Variants in GALNTL6 observed in about 807,000 individuals in gnomAD.
GALNTL6 encodes polypeptide N-acetylgalactosaminyltransferase-like 6.
In GALNTL6, 46 loss-of-function variants were observed where a neutral mutation model predicts 73.7. That is an observed-to-expected ratio of 0.62 (90% CI 0.49 to 0.80). GALNTL6 has a LOEUF of 0.80. GALNTL6 is among the 30% of genes least tolerant of loss of function. GALNTL6 has a pLI of 0.00. For missense variants in GALNTL6, 604 were observed against 755.0 expected (o/e 0.80, Z 2.34); for synonymous variants, 259 against 263.7 (o/e 0.98, Z 0.17).
chr4:172,438,125 A>G (rs552391244), intron 5 of GALNTL6, among the ~76,000 whole-genome samples: 1 of 152,162 alleles, frequency 6.6e-6, no homozygotes, highest in Admixed American at 6.6e-5. Flanking sequence ...GCTGTGATTC[A>G]TTGACAGTGC....
chr4:171,841,369 T>C (rs1270142987), intron 2 of GALNTL6, among the ~76,000 whole-genome samples: 1 of 152,166 alleles, frequency 6.6e-6, no homozygotes, highest in African/African-American at 2.4e-5. Flanking sequence ...ATTTAATCTA[T>C]GTATTGGTGA....
intron 3 of GALNTL6, among the ~76,000 whole-genome samples, chr4:172,270,455 A>T (rs1409928574): frequency 6.6e-6 from 1 of 152,100 alleles, no homozygotes; most frequent in Non-Finnish European, 1.5e-5. Flanking sequence ...TATTCTGGGG[A>T]CCTAAGCCAG....
At chr4:172,208,179 G>A (rs836305) in intron 2 of GALNTL6, among the ~76,000 whole-genome samples, 150,213 of 152,316 alleles carry the variant, frequency 0.99, 74,111 homozygotes, top group East Asian at 1. Context: ...TTGAGCTGTC[G>A]TCTGATCTCA....
intron 5 of GALNTL6, among the ~76,000 whole-genome samples, chr4:172,410,586 C>T (rs2111342267): frequency 6.6e-6 from 1 of 152,090 alleles, no homozygotes; most frequent in African/African-American, 2.4e-5. Context: ...CATGTCATCC[C>T]TTATGGTCTG....
chr4:172,194,686 T>G (rs1305790667), intron 2 of GALNTL6, among the ~76,000 whole-genome samples: 1 of 152,162 alleles, frequency 6.6e-6, no homozygotes, highest in Non-Finnish European at 1.5e-5. Flanking sequence ...ATTTCATATC[T>G]GGCCAAACTA....
chr4:172,680,530 C>A (rs1453779460), intron 5 of GALNTL6, among the ~76,000 whole-genome samples: 1 of 152,160 alleles, frequency 6.6e-6, no homozygotes, highest in African/African-American at 2.4e-5. Flanking sequence ...TGTTTTTGAG[C>A]AGCTGTATGA....
rs567012805 is a variant in GALNTL6, at chr4:172,712,104, G to C, written c.554-97257G>C. ...TTTCTGTGTAGGCATGTAGGGTTGG[G>C]TGTGTTTGTGTTTGGGTGGATGTGT... On this transcript the variant is annotated intron_variant, in intron 5 of 12. Coordinates refer to ENST00000506823, the MANE Select transcript of GALNTL6 (RefSeq NM_001034845.3). Among the ~76,000 whole-genome samples, 4 of 152,224 alleles carry C rather than the reference G, an allele frequency of 2.6e-5. No homozygotes were observed. In the East Asian group the frequency reaches 5.8e-4, roughly 22 times the overall value.
intron 12 of GALNTL6, among the ~76,000 whole-genome samples, chr4:173,025,264 G>A (rs569484635): frequency 2.0e-5 from 3 of 152,278 alleles, no homozygotes; most frequent in African/African-American, 7.2e-5. Flanking sequence ...ACCACCAGGG[G>A]GACCCCTGTT....
Position 172,952,045 on chromosome 4 carries a change from G to A in GALNTL6, c.1158G>A (p.Lys386=). 1 of 1,613,126 alleles carries A rather than the reference G, an allele frequency of 6.2e-7. No homozygotes were observed. The highest frequency in any genetic ancestry group is 8.5e-7 in the Non-Finnish European group (1 of 1,179,442). ...GTTTTCCTGCTGCACAGAACCTGAA[G>A]CGGGTAGCTGAGACCTGGATGGATG... ...PSGTSLARNL[K]RVAETWMDEF... is the part of the protein sequence containing the mutation. Residue 386 remains lysine, a synonymous_variant, in exon 10 of 13, where the codon AAG becomes AAA. Transcript: ENST00000506823.
At chr4:172,027,219 AC>A (rs1195260893) in intron 2 of GALNTL6, among the ~76,000 whole-genome samples, 4 of 152,144 alleles carry the variant, frequency 2.6e-5, no homozygotes, top group African/African-American at 9.7e-5. Context: ...CTTGCACTTT[AC>A]AGATATTGTG....
chr4:172,182,553 C>CAAA (rs34354883), intron 2 of GALNTL6, among the ~76,000 whole-genome samples: 49 of 127,430 alleles, frequency 3.8e-4, no homozygotes, highest in African/African-American at 1.3e-3. Context: ...TGAAAAATAC[C>CAAA]AAAAAAAAAA....
chr4:172,689,978 CA>C (rs1439951101), intron 5 of GALNTL6, among the ~76,000 whole-genome samples: 1 of 151,832 alleles, frequency 6.6e-6, no homozygotes, highest in Admixed American at 6.6e-5. Flanking sequence ...AAAAAAATTA[CA>C]AATTAACTTC....
chr4:172,098,194 T>C (rs1732411213), intron 2 of GALNTL6, among the ~76,000 whole-genome samples: 1 of 152,086 alleles, frequency 6.6e-6, no homozygotes, highest in Non-Finnish European at 1.5e-5. Flanking sequence ...AAGACATCTA[T>C]ATATCTATGT....
chr4:171,831,313 A>C (rs1392728151), intron 2 of GALNTL6, among the ~76,000 whole-genome samples: 2 of 152,150 alleles, frequency 1.3e-5, no homozygotes, highest in East Asian at 3.9e-4. Context: ...GCTGGAATAG[A>C]TATGACAAGC....
At chr4:171,907,823 C>G (rs1457009433) in intron 2 of GALNTL6, among the ~76,000 whole-genome samples, 1 of 151,622 alleles carries the variant, frequency 6.6e-6, no homozygotes, top group Non-Finnish European at 1.5e-5. Context: ...CAGAACAGAG[C>G]CCTCAGAAAT....
intron 3 of GALNTL6, among the ~76,000 whole-genome samples, chr4:172,298,154 T>A (rs1739757415): frequency 6.6e-6 from 1 of 152,174 alleles, no homozygotes; most frequent in African/African-American, 2.4e-5. Flanking sequence ...GCTCTCTGTT[T>A]GTCTGTTATT....
intron 5 of GALNTL6, among the ~76,000 whole-genome samples, chr4:172,657,610 C>A (rs1302007461): frequency 3.3e-5 from 5 of 152,154 alleles, no homozygotes; most frequent in Admixed American, 2.6e-4. Context: ...AGAAAATACA[C>A]CATCAGGCCA....
intron 5 of GALNTL6, among the ~76,000 whole-genome samples, chr4:172,797,332 C>T (rs1210060208): frequency 1.3e-5 from 2 of 151,966 alleles, no homozygotes; most frequent in African/African-American, 4.8e-5. Context: ...CTGCAACCTC[C>T]GCCTCCCTGG....
chr4:172,097,221 G>A (rs187110091), intron 2 of GALNTL6, among the ~76,000 whole-genome samples: 1 of 152,198 alleles, frequency 6.6e-6, no homozygotes, highest in African/African-American at 2.4e-5. Flanking sequence ...AAGCAATATT[G>A]GATAAATCAG....
Sources: allele counts gnomAD v4.1 joint callset (sites outside exome capture counted in the v4.1 genomes callset), GRCh38; gene constraint gnomAD v4.1.1; transcripts MANE v1.5; gene names NCBI Gene and HGNC (gene_info 2026-07-23, HGNC 2026-07-21).